The following ENPP6 variants were observed in gnomAD, a reference collection of about 807,000 sequenced individuals.
ENPP6 encodes ectonucleotide pyrophosphatase/phosphodiesterase 6, also known as glycerophosphocholine cholinephosphodiesterase ENPP6.
In ENPP6, 32 loss-of-function variants were observed where a neutral mutation model predicts 42.0. That is an observed-to-expected ratio of 0.76 (90% CI 0.58 to 1.02). The LOEUF (loss-of-function observed/expected upper bound fraction) is 1.02. ENPP6 is among the 50% of genes least tolerant of loss of function. The pLI is 0.00. For missense variants in ENPP6, 552 were observed against 566.8 expected (o/e 0.97, Z 0.27); for synonymous variants, 213 against 216.0 (o/e 0.99, Z 0.12).
chr4:184,170,800 T>C (rs1337384644), intron 1 of ENPP6, among the ~76,000 whole-genome samples: 3 of 152,252 alleles, frequency 2.0e-5, no homozygotes, highest in African/African-American at 7.2e-5. Flanking sequence ...TAAAGTGGAT[T>C]GGTGGGTTTA....
chr4:184,166,290 A>T (rs144085777), intron 1 of ENPP6, among the ~76,000 whole-genome samples: 2 of 152,358 alleles, frequency 1.3e-5, no homozygotes, highest in East Asian at 3.9e-4. Flanking sequence ...GGCTTTGATT[A>T]TAGTGTGAAG....
intron 1 of ENPP6, among the ~76,000 whole-genome samples, chr4:184,210,111 G>A (rs543061819): frequency 5.3e-5 from 8 of 151,156 alleles, no homozygotes; most frequent in African/African-American, 1.7e-4. Context: ...AGGAACAACC[G>A]GTACCACCCG....
intron 6 of ENPP6, among the ~76,000 whole-genome samples, chr4:184,110,125 C>A (rs1736175028): frequency 6.6e-6 from 1 of 152,186 alleles, no homozygotes; most frequent in African/African-American, 2.4e-5. Context: ...TGGGCCAGCA[C>A]CAGTCAGAAT....
chr4:184,205,786 C>G (rs1732986438), intron 1 of ENPP6, among the ~76,000 whole-genome samples: 1 of 152,112 alleles, frequency 6.6e-6, no homozygotes, highest in Non-Finnish European at 1.5e-5. Flanking sequence ...GGAGGAGAGG[C>G]TGAGGATCGA....
At chr4:184,152,107 C>T (rs1737061124) in intron 2 of ENPP6, among the ~76,000 whole-genome samples, 1 of 152,180 alleles carries the variant, frequency 6.6e-6, no homozygotes, top group African/African-American at 2.4e-5. Flanking sequence ...TGAATTCATG[C>T]AGCCTGCCCT....
chr4:184,212,841 C>T (rs1269393198), intron 1 of ENPP6, among the ~76,000 whole-genome samples: 1 of 152,086 alleles, frequency 6.6e-6, no homozygotes, highest in Non-Finnish European at 1.5e-5. Flanking sequence ...TCAAACTATA[C>T]TACAAGGCTA....
At chr4:184,158,815 C>T (rs1737215900) in intron 1 of ENPP6, among the ~76,000 whole-genome samples, 1 of 152,108 alleles carries the variant, frequency 6.6e-6, no homozygotes, top group African/African-American at 2.4e-5. Context: ...CAACTGCATC[C>T]TTTTTTTCAC....
chr4:184,123,363 GA>G (rs990940506), intron 3 of ENPP6, among the ~76,000 whole-genome samples: 19 of 152,128 alleles, frequency 1.2e-4, no homozygotes, highest in African/African-American at 4.6e-4. Flanking sequence ...TTCTTGGGGG[GA>G]TGAAGGTCCT....
chr4:184,101,225 G>A (rs1735995895), intron 6 of ENPP6, among the ~76,000 whole-genome samples: 1 of 149,098 alleles, frequency 6.7e-6, no homozygotes, highest in Non-Finnish European at 1.5e-5. Context: ...GTGTAAGCAT[G>A]TGTGTGCGTG....
At chr4:184,099,077 GAAGGGACT>G (rs1184684706) in intron 6 of ENPP6, among the ~76,000 whole-genome samples, 4 of 152,184 alleles carry the variant, frequency 2.6e-5, no homozygotes, top group African/African-American at 7.2e-5. Context: ...TTTTGTAGTT[GAAGGGACT>G]AAGGCTCAGA....
At chr4:184,170,830 A>G (rs1312754205) in intron 1 of ENPP6, among the ~76,000 whole-genome samples, 5 of 152,166 alleles carry the variant, frequency 3.3e-5, no homozygotes, top group African/African-American at 9.7e-5. Context: ...AGCCTAATCT[A>G]TCCACTGTCA....
At chr4:184,152,284 C>T (rs1164515369) in intron 2 of ENPP6, among the ~76,000 whole-genome samples, 2 of 152,148 alleles carry the variant, frequency 1.3e-5, no homozygotes, top group African/African-American at 2.4e-5. Flanking sequence ...CCAGCAGCTC[C>T]CCACACACCC....
chr4:184,112,033 C>T (rs548979280), intron 6 of ENPP6, among the ~76,000 whole-genome samples: 6 of 152,168 alleles, frequency 3.9e-5, no homozygotes, highest in Non-Finnish European at 8.8e-5. Context: ...CCTAAAATAA[C>T]CCATGCTGTC....
At chr4:184,217,487 G>T in intron 1 of ENPP6, 92 bp downstream of exon 1, 4 of 1,520,204 alleles carry the variant, frequency 2.6e-6, no homozygotes, top group Non-Finnish European at 3.6e-6. Context: ...AGAATCCAGA[G>T]CATTTAAATA....
intron 5 of ENPP6, among the ~76,000 whole-genome samples, chr4:184,116,164 A>G (rs1426995751): frequency 2.0e-5 from 3 of 152,196 alleles, no homozygotes. Flanking sequence ...CAAAGCTTGC[A>G]GTGAGCCGAG....
At position 184,148,954 on chromosome 4, in the gene ENPP6, A is replaced by T. The variant is rs561741845; in HGVS notation, c.421+4600T>A. Among the ~76,000 whole-genome samples, 87 of 152,344 alleles carry T rather than the reference A, an allele frequency of 5.7e-4. 2 individuals carry two copies. The highest frequency in any genetic ancestry group is 5.2e-4 in the Admixed American group (8 of 15,306). On this transcript the variant is annotated intron_variant, in intron 2 of 7. Coordinates refer to ENST00000296741, the MANE Select transcript of ENPP6 (RefSeq NM_153343.4). ...TTCTGGAAAGACGTTTACAGTTTTT[A>T]TCAGTTTCCTAAAGAGGTTCTTGAC...
At chr4:184,170,430 A>C (rs769357633) in intron 1 of ENPP6, among the ~76,000 whole-genome samples, 10 of 108,432 alleles carry the variant, frequency 9.2e-5, no homozygotes, top group Non-Finnish European at 1.6e-4. Flanking sequence ...ACTCTGTCTC[A>C]AAAAAGAAAA....
At chr4:184,131,234 C>CT (rs766907900) in intron 2 of ENPP6, among the ~76,000 whole-genome samples, 11,517 of 74,314 alleles carry the variant, frequency 0.15, 2,002 homozygotes, top group African/African-American at 0.19. Flanking sequence ...TTCTTTCTTT[C>CT]CTTTTCTTTC....
In ENPP6 at chr4:184,116,870, C is replaced by T. The variant is rs1200925503; in HGVS notation, c.841G>A (p.Gly281Arg). 25 of 1,613,516 alleles carry T rather than the reference C, an allele frequency of 1.5e-5. No individual in the cohort carries two copies. In the East Asian group the frequency reaches 2.4e-4, roughly 16 times the overall value. ...GPVVSLWPAP[G>R]KHSEIYNKLS... Reference sequence around the variant, plus strand: ...GTCTGTCTTGCCTCAGAGTGTTTCCCAGGGGCCGGCCAAAGGCTCACAACA... The same window carrying T: ...GTCTGTCTTGCCTCAGAGTGTTTCCTAGGGGCCGGCCAAAGGCTCACAACA... The change falls in exon 5 of 8, where the codon GGG becomes AGG. Residue 281 changes from glycine to arginine, a missense_variant. Coordinates refer to ENST00000296741, the MANE Select transcript of ENPP6 (RefSeq NM_153343.4).
Sources: gnomAD v4.1 joint callset for allele counts (sites outside exome capture counted in the v4.1 genomes callset) on GRCh38, gnomAD v4.1.1 for gene constraint, MANE v1.5 for transcripts, NCBI Gene and HGNC (gene_info 2026-07-23, HGNC 2026-07-21) for gene names.